The following SMIM14 variants were observed in gnomAD, a reference collection of about 807,000 sequenced individuals.
The protein encoded by SMIM14 is chromosome 4 open reading frame 34.
SMIM14 carries 5 observed loss-of-function variants against 12.6 expected under a neutral mutation model. The ratio of observed to expected loss-of-function variants is 0.40; its 90% confidence interval spans 0.21 to 0.83. The LOEUF (loss-of-function observed/expected upper bound fraction) is 0.83, where lower values mean the gene tolerates loss of function less well. Among genes scored for constraint, SMIM14 ranks in the 40% least tolerant of loss-of-function variants. The pLI, the probability that SMIM14 is intolerant of heterozygous loss-of-function variation, is 0.37. For synonymous variants in SMIM14, 30 were observed against 40.1 expected, an observed-to-expected ratio of 0.75 and a Z score of 0.95; for missense variants, 86 against 119.1, an observed-to-expected ratio of 0.72 and a Z score of 1.29.
chr4:39,616,588 A>G (rs1161358838), intron 1 of SMIM14, among the ~76,000 whole-genome samples: 1 of 151,348 alleles, frequency 6.6e-6, no homozygotes, highest in East Asian at 1.9e-4. Flanking sequence ...GAATAGTGTA[A>G]CCTGACTGTG....
chr4:39,582,020 T>TG (rs1265498747), intron 2 of SMIM14, among the ~76,000 whole-genome samples: 4 of 152,002 alleles, frequency 2.6e-5, no homozygotes, highest in Non-Finnish European at 5.9e-5. Context: ...TGCAGGCATG[T>TG]GTCACCACAG....
chr4:39,600,349 G>T (rs1183933094), intron 2 of SMIM14, among the ~76,000 whole-genome samples: 1 of 151,944 alleles, frequency 6.6e-6, no homozygotes, highest in East Asian at 1.9e-4. Context: ...TAATCATCCA[G>T]AATTTCTATT....
At chr4:39,578,290 G>C (rs1713305790) in intron 2 of SMIM14, among the ~76,000 whole-genome samples, 1 of 152,102 alleles carries the variant, frequency 6.6e-6, no homozygotes, top group Non-Finnish European at 1.5e-5. Flanking sequence ...TGGTACCACA[G>C]GTGTGTGCTA....
In SMIM14 at chr4:39,548,468, A is replaced by C. The variant is rs1262468391; in HGVS notation, c.*3658T>G. 6.6e-6 allele frequency: 1 copy of C among 152,178 alleles called. No individual in the cohort carries two copies. The highest frequency in any genetic ancestry group is 2.4e-5 in the African/African-American group (1 of 41,438). 9.4% of individuals were successfully genotyped at this position (152,178 alleles called of 1,614,324 possible). ...CAGCCTCCCAAATTGCTGGGATTAC[A>C]GGCATGAGCCACCATGACTGGCCTA... is the stretch of plus-strand genomic sequence containing the variant. On this transcript the variant is annotated 3_prime_UTR_variant, in exon 5 of 5. Transcript: ENST00000295958.
intron 1 of SMIM14, among the ~76,000 whole-genome samples, chr4:39,626,765 C>G (rs767055727): frequency 6.6e-6 from 1 of 152,198 alleles, no homozygotes; most frequent in East Asian, 1.9e-4. Flanking sequence ...TCTCCTTGAC[C>G]TTCTATTCCA....
In SMIM14 at chr4:39,547,678, T is replaced by C. The variant is rs965127862; in HGVS notation, c.*4448A>G. On this transcript the variant is annotated 3_prime_UTR_variant, in exon 5 of 5. Transcript: ENST00000295958. Reference sequence around the variant, plus strand: ...GTCAAATTTGAGCACATAATTCATGTAGAGTGACAGACTTTCATTTAGAGT... The same window carrying C: ...GTCAAATTTGAGCACATAATTCATGCAGAGTGACAGACTTTCATTTAGAGT... 6.6e-6 allele frequency: 1 copy of C among 152,184 alleles called. No individual in the cohort carries two copies. The highest frequency in any genetic ancestry group is 1.5e-5 in the Non-Finnish European group (1 of 68,032). The allele number at this position is 152,184 out of a possible 1,614,324, so 9.4% of individuals were successfully genotyped here.
chr4:39,608,234 A>G (rs1256460555), intron 1 of SMIM14, among the ~76,000 whole-genome samples: 1 of 152,248 alleles, frequency 6.6e-6, no homozygotes, highest in Non-Finnish European at 1.5e-5. Context: ...GCACTTTTGA[A>G]GGCTGAGGTG....
rs201636070 is a variant in SMIM14 at position 39,578,992 on chromosome 4, CAA to C, written c.76-6531_76-6530del. ...AGCCTGGGCAACACAGTGAGACTGT[CAA>C]AAAAAAAAAAAAAAGCAGAGACTGC... is the stretch of plus-strand genomic sequence containing the variant. On this transcript the variant is annotated intron_variant, in intron 2 of 4. Coordinates refer to ENST00000295958, the MANE Select transcript of SMIM14 (RefSeq NM_174921.3). Among the ~76,000 whole-genome samples, 637 of 71,810 alleles carry C rather than the reference CAA, an allele frequency of 8.9e-3. 4 individuals carry two copies. The highest frequency in any genetic ancestry group is 0.036 in the African/African-American group (596 of 16,476). The allele number at this position is 71,810 out of a possible 152,430, so 47.1% of individuals were successfully genotyped here. A position where few individuals can be genotyped will look rare whatever the true frequency, so the allele number is the denominator to read the frequency against.
At chr4:39,614,603 TAAA>T (rs1715154338) in intron 1 of SMIM14, among the ~76,000 whole-genome samples, 2 of 152,162 alleles carry the variant, frequency 1.3e-5, no homozygotes, top group Non-Finnish European at 2.9e-5. Context: ...ATTACAGGCG[TAAA>T]CCACTGCACC....
rs1021472973 is a variant in SMIM14, at chr4:39,551,623, C to G, written c.*503G>C. 4 of 152,650 alleles carry G rather than the reference C, an allele frequency of 2.6e-5. No homozygotes were observed. Among genetic ancestry groups the G allele is most frequent in the African/African-American group, 9.7e-5 (4 of 41,450 alleles). 9.5% of individuals were successfully genotyped at this position (152,650 alleles called of 1,614,324 possible). A position where few individuals can be genotyped will look rare whatever the true frequency, so the allele number is the denominator to read the frequency against. On this transcript the variant is annotated 3_prime_UTR_variant, in exon 5 of 5. Transcript: ENST00000295958. ...CAGTCCCCAAAACTACAGAAAACTGCCATCCACAAATAAACTACCAAGGTA... is the reference window on the plus strand; with the variant it reads ...CAGTCCCCAAAACTACAGAAAACTGGCATCCACAAATAAACTACCAAGGTA...
intron 1 of SMIM14, among the ~76,000 whole-genome samples, chr4:39,614,192 A>C (rs1325589426): frequency 7.6e-6 from 1 of 131,656 alleles, no homozygotes; most frequent in African/African-American, 4.3e-5. Context: ...TTACAAAAAA[A>C]AAAAAAAAAA....
At position 39,638,764 on chromosome 4, in the gene SMIM14, G is replaced by C; in HGVS notation, c.-61C>G. On this transcript the variant is annotated 5_prime_UTR_variant, in exon 1 of 5. Transcript: ENST00000295958. ...CCGCCCAGACAACAACCGATGGGGC[G>C]GGGAGGATGGGGGCCGGGACCGAGG... 1 of 985,492 alleles carries C rather than the reference G, an allele frequency of 1.0e-6. No homozygotes were observed. The highest frequency in any genetic ancestry group is 1.7e-5 in the African/African-American group (1 of 57,342). 61.0% of individuals were successfully genotyped at this position (985,492 alleles called of 1,614,324 possible).
chr4:39,584,955 C>T (rs1019863172), intron 2 of SMIM14, among the ~76,000 whole-genome samples: 1 of 151,916 alleles, frequency 6.6e-6, no homozygotes, highest in South Asian at 2.1e-4. Context: ...CAGATTTTCT[C>T]ATATACTTTC....
intron 3 of SMIM14, among the ~76,000 whole-genome samples, chr4:39,565,201 G>C (rs1334989309): frequency 6.6e-6 from 1 of 152,192 alleles, no homozygotes; most frequent in African/African-American, 2.4e-5. Flanking sequence ...CTGGGCAACA[G>C]AGTAAGACTT....
rs576950914 is a variant in SMIM14 at position 39,611,734 on chromosome 4, C to T, written c.-35-6554G>A. Reference sequence around the variant, plus strand: ...CAAACAAGTATGCAAAATTTCTGTACAGCATGTTTACTGGAATACTGTAAC... The same window carrying T: ...CAAACAAGTATGCAAAATTTCTGTATAGCATGTTTACTGGAATACTGTAAC... On this transcript the variant is annotated intron_variant, in intron 1 of 4. Coordinates refer to ENST00000295958, the MANE Select transcript of SMIM14 (RefSeq NM_174921.3). Among the ~76,000 whole-genome samples, 7 of 152,182 alleles carry T rather than the reference C, an allele frequency of 4.6e-5. No individual in the cohort carries two copies. In the East Asian group the frequency reaches 1.3e-3, roughly 29 times the overall value.
rs1251375954 is a variant in SMIM14 at position 39,549,845 on chromosome 4, G to A, written c.*2281C>T. 1 of 152,104 alleles carries A rather than the reference G, an allele frequency of 6.6e-6. No homozygotes were observed. The highest frequency in any genetic ancestry group is 1.5e-5 in the Non-Finnish European group (1 of 68,034). The allele number at this position is 152,104 out of a possible 1,614,324, so 9.4% of individuals were successfully genotyped here. The stretch of plus-strand genomic sequence containing the variant: ...AAGAGGAAAAACCTTTATTCTGTGG[G>A]GCTCATTTATCCAGGATTTAACTTA... On this transcript the variant is annotated 3_prime_UTR_variant, in exon 5 of 5. Transcript: ENST00000295958.
At chr4:39,604,906 C>T (rs192339661) in intron 2 of SMIM14, among the ~76,000 whole-genome samples, 165 bp downstream of exon 2, 20 of 152,174 alleles carry the variant, frequency 1.3e-4, no homozygotes, top group Middle Eastern at 3.4e-3. Context: ...CCACTGTGCC[C>T]GGTCACATTT....
intron 2 of SMIM14, among the ~76,000 whole-genome samples, chr4:39,601,301 G>C (rs1714602928): frequency 6.6e-6 from 1 of 152,070 alleles, no homozygotes; most frequent in Non-Finnish European, 1.5e-5. Flanking sequence ...CTTAAAAATT[G>C]ATGATATTCT....
intron 4 of SMIM14, among the ~76,000 whole-genome samples, chr4:39,555,471 G>A (rs951062236): frequency 1.3e-5 from 2 of 152,312 alleles, no homozygotes; most frequent in Middle Eastern, 3.4e-3. Flanking sequence ...GAGCTCAGGT[G>A]ATCCGCCCCC....
Sources: allele counts gnomAD v4.1 joint callset (sites outside exome capture counted in the v4.1 genomes callset), GRCh38; gene constraint gnomAD v4.1.1; transcripts MANE v1.5; gene names NCBI Gene and HGNC (gene_info 2026-07-23, HGNC 2026-07-21).